Variants in NTM observed in about 807,000 individuals in gnomAD.
NTM encodes the protein IgLON family member 2.
NTM carries 13 observed loss-of-function variants against 42.1 expected under a neutral mutation model. That is an observed-to-expected ratio of 0.31 (90% confidence interval 0.20 to 0.49). The LOEUF (loss-of-function observed/expected upper bound fraction) is 0.49. Among genes scored for constraint, NTM ranks in the 20% least tolerant of loss-of-function variants. The probability of loss-of-function intolerance (pLI) is 0.99; values close to 1 mark genes in which losing one functional copy is unlikely to be tolerated. For missense variants in NTM, 373 were observed against 452.8 expected (o/e 0.82, Z 1.60); for synonymous variants, 187 against 179.2 (o/e 1.04, Z -0.35).
intron 1 of NTM, among the ~76,000 whole-genome samples, chr11:131,380,744 G>C (rs937620310): frequency 6.6e-6 from 1 of 152,164 alleles, no homozygotes; most frequent in African/African-American, 2.4e-5. Context: ...AAGGGAGGAA[G>C]ACCTGAGATC....
chr11:131,981,866 GC>G (rs2065287770), intron 2 of NTM, among the ~76,000 whole-genome samples: 1 of 152,036 alleles, frequency 6.6e-6, no homozygotes, highest in Non-Finnish European at 1.5e-5. Flanking sequence ...ACAAACATTA[GC>G]TGGGCGTGGT....
chr11:131,677,984 T>C (rs548970370), intron 1 of NTM, among the ~76,000 whole-genome samples: 4 of 152,372 alleles, frequency 2.6e-5, no homozygotes, highest in Non-Finnish European at 4.4e-5. Flanking sequence ...TTCACTGATA[T>C]GCAGATGTAT....
intron 2 of NTM, among the ~76,000 whole-genome samples, chr11:132,098,032 T>G (rs1282742015): frequency 1.3e-5 from 2 of 152,272 alleles, no homozygotes. Flanking sequence ...TAACAGGTAT[T>G]GTTATGAATA....
At chr11:131,881,622 C>T (rs1167741874) in intron 1 of NTM, among the ~76,000 whole-genome samples, 3 of 151,938 alleles carry the variant, frequency 2.0e-5, no homozygotes, top group African/African-American at 7.3e-5. Context: ...TTTACTCCTC[C>T]ACTAAGAAAA....
intron 3 of NTM, among the ~76,000 whole-genome samples, chr11:132,186,025 G>C (rs1347452619): frequency 2.0e-5 from 3 of 152,204 alleles, no homozygotes; most frequent in Non-Finnish European, 1.5e-5. Flanking sequence ...GAAGAATGAA[G>C]TCAAATCTAA....
chr11:131,636,321 T>C (rs78101333), intron 1 of NTM, among the ~76,000 whole-genome samples: 2,729 of 152,270 alleles, frequency 0.018, 95 homozygotes, highest in African/African-American at 0.062. Context: ...TATAGCTGTC[T>C]CTTGGTATCT....
intron 4 of NTM, among the ~76,000 whole-genome samples, chr11:132,280,368 G>T (rs36161267): frequency 6.6e-6 from 1 of 151,602 alleles, no homozygotes; most frequent in Non-Finnish European, 1.5e-5. Context: ...CAGTTTGCTC[G>T]CCTAGGGTGC....
chr11:131,920,030 G>A (rs1256815754), intron 2 of NTM, among the ~76,000 whole-genome samples: 14 of 152,098 alleles, frequency 9.2e-5, no homozygotes, highest in African/African-American at 2.9e-4. Flanking sequence ...TTTGTTTTTC[G>A]TAAAAAGATT....
intron 4 of NTM, among the ~76,000 whole-genome samples, chr11:132,257,676 T>C (rs2092586295): frequency 6.6e-6 from 1 of 152,166 alleles, no homozygotes; most frequent in South Asian, 2.1e-4. Context: ...CAGATTCTCA[T>C]GAGATAGGAA....
At chr11:132,047,888 G>A (rs965377203) in intron 2 of NTM, among the ~76,000 whole-genome samples, 7 of 152,184 alleles carry the variant, frequency 4.6e-5, no homozygotes, top group African/African-American at 1.7e-4. Flanking sequence ...TGAGGTCAAA[G>A]TTGGGTGGAC....
At chr11:132,326,675 G>A (rs188915009) in intron 7 of NTM, among the ~76,000 whole-genome samples, 2 of 152,288 alleles carry the variant, frequency 1.3e-5, no homozygotes, top group Admixed American at 1.3e-4. Flanking sequence ...TATCTAAAAC[G>A]TTATGACAGT....
chr11:132,329,054 G>A (rs185539737), intron 7 of NTM, among the ~76,000 whole-genome samples: 8 of 152,318 alleles, frequency 5.3e-5, no homozygotes, highest in Admixed American at 4.6e-4. Flanking sequence ...GGGATATCGT[G>A]TGTCAGGTGA....
chr11:132,153,118 G>A (rs555331827), intron 3 of NTM, among the ~76,000 whole-genome samples: 1 of 152,312 alleles, frequency 6.6e-6, no homozygotes, highest in Admixed American at 6.5e-5. Context: ...AGCAGCCACT[G>A]AGTTCTTACC....
At chr11:131,532,137 C>T (rs773073947) in intron 1 of NTM, among the ~76,000 whole-genome samples, 5 of 152,184 alleles carry the variant, frequency 3.3e-5, no homozygotes, top group East Asian at 3.9e-4. Flanking sequence ...GCATTAACTA[C>T]GTTCACAGTG....
At chr11:131,795,495 C>T in intron 1 of NTM, 2 of 985,348 alleles carry the variant, frequency 2.0e-6, no homozygotes, top group African/African-American at 1.7e-5. Flanking sequence ...CCAAGCTGCC[C>T]TTTATTGCTC....
intron 1 of NTM, among the ~76,000 whole-genome samples, chr11:131,782,104 AC>A (rs1353098090): frequency 6.6e-6 from 1 of 152,178 alleles, no homozygotes; most frequent in East Asian, 1.9e-4. Context: ...ATACAGGAAA[AC>A]GTTTATTATT....
At chr11:131,706,216 C>A (rs751524155) in intron 1 of NTM, among the ~76,000 whole-genome samples, 1 of 150,980 alleles carries the variant, frequency 6.6e-6, no homozygotes, top group Non-Finnish European at 1.5e-5. Context: ...GACTTTAAGT[C>A]AAAAATTGTC....
intron 1 of NTM, among the ~76,000 whole-genome samples, chr11:131,840,313 G>T (rs1592208886): frequency 6.6e-6 from 1 of 152,272 alleles, no homozygotes; most frequent in East Asian, 1.9e-4. Flanking sequence ...ACACAGAGCA[G>T]GACACTGTAC....
intron 2 of NTM, among the ~76,000 whole-genome samples, chr11:132,059,369 G>A (rs922228891): frequency 2.6e-5 from 4 of 152,226 alleles, no homozygotes; most frequent in South Asian, 2.1e-4. Context: ...ATGTAGAGAC[G>A]CATTTGCTGC....
Sources: allele counts gnomAD v4.1 joint callset (sites outside exome capture counted in the v4.1 genomes callset), GRCh38; gene constraint gnomAD v4.1.1; transcripts MANE v1.5; gene names NCBI Gene and HGNC (gene_info 2026-07-23, HGNC 2026-07-21).